Variants in CNBD1 observed in about 807,000 individuals in gnomAD.
The protein encoded by CNBD1 is cyclic nucleotide binding domain containing 1, also known as cyclic nucleotide-binding domain-containing protein 1.
A neutral mutation model predicts 54.4 loss-of-function variants in CNBD1; 71 were observed. That is an observed-to-expected ratio of 1.30 (90% CI 1.08 to 1.59). CNBD1 has a LOEUF of 1.59. Ranked by LOEUF, CNBD1 falls within the 40% of genes most tolerant of loss-of-function variation. CNBD1 has a pLI of 0.00. For synonymous variants in CNBD1, 182 were observed against 170.7 expected (o/e 1.07, Z -0.51); for missense variants, 659 against 518.0 (o/e 1.27, Z -2.64).
intron 8 of CNBD1, among the ~76,000 whole-genome samples, chr8:87,351,232 A>G (rs1047597664): frequency 1.3e-5 from 2 of 152,170 alleles, no homozygotes; most frequent in Non-Finnish European, 2.9e-5. Flanking sequence ...TGCTACTATA[A>G]TCAGTAGAGT....
At chr8:87,004,357 G>A (rs1271143514) in intron 4 of CNBD1, among the ~76,000 whole-genome samples, 1 of 152,122 alleles carries the variant, frequency 6.6e-6, no homozygotes, top group Non-Finnish European at 1.5e-5. Context: ...CCACAGTAAT[G>A]TGCATTGTCT....
intron 6 of CNBD1, among the ~76,000 whole-genome samples, chr8:87,283,155 C>A (rs955952217): frequency 1.3e-5 from 2 of 151,986 alleles, no homozygotes; most frequent in African/African-American, 2.4e-5. Context: ...TGTATATTAT[C>A]CATGTAATGA....
At chr8:87,270,711 A>AT (rs1214042851) in intron 6 of CNBD1, among the ~76,000 whole-genome samples, 21 of 151,688 alleles carry the variant, frequency 1.4e-4, no homozygotes, top group Non-Finnish European at 2.7e-4. Flanking sequence ...TTATTTATTT[A>AT]TTTTTTTGGC....
intron 8 of CNBD1, among the ~76,000 whole-genome samples, chr8:87,324,754 C>A (rs550125560): frequency 2.7e-5 from 4 of 148,754 alleles, no homozygotes; most frequent in East Asian, 1.9e-4. Context: ...AAAAAACCAG[C>A]TCCTGGATTC....
At position 87,286,641 on chromosome 8, in the gene CNBD1, C is replaced by T. The variant is rs866739698; in HGVS notation, c.1012C>T (p.Leu338Phe). 4 of 1,541,834 alleles carry T rather than the reference C, an allele frequency of 2.6e-6. No homozygotes were observed. The highest frequency in any genetic ancestry group is 3.5e-6 in the Non-Finnish European group (4 of 1,139,086). The change falls in exon 8 of 11, where the codon CTT becomes TTT. Residue 338 changes from leucine (L) to phenylalanine (F), a missense_variant. By Grantham distance (22) the Leu-to-Phe change is conservative. Coordinates refer to ENST00000518476, the MANE Select transcript of CNBD1 (RefSeq NM_173538.3). The stretch of plus-strand genomic sequence containing the variant: ...ATCCATATATGAGCTAATTGCACTC[C>T]TTAAATGGAAAAAATTTCCTCCAGG... ...TLSIYELIAL[L>F]KWKKFPPGHV...
intron 2 of CNBD1, among the ~76,000 whole-genome samples, chr8:87,413,189 T>A (rs771331564): frequency 3.3e-5 from 5 of 151,990 alleles, no homozygotes; most frequent in Non-Finnish European, 7.4e-5. Context: ...TGACACAGGG[T>A]TGTGAAATTA....
chr8:86,907,499 C>T (rs1809035117), intron 3 of CNBD1, among the ~76,000 whole-genome samples: 2 of 151,874 alleles, frequency 1.3e-5, no homozygotes, highest in Non-Finnish European at 2.9e-5. Flanking sequence ...GAAACCCTGC[C>T]TCTACTAAAA....
intron 4 of CNBD1, among the ~76,000 whole-genome samples, chr8:87,094,553 T>C (rs1299769766): frequency 6.6e-6 from 1 of 152,042 alleles, no homozygotes; most frequent in Non-Finnish European, 1.5e-5. Context: ...CATTTCATAT[T>C]GACAATGCTA....
chr8:87,288,301 T>A (rs1467574581), intron 8 of CNBD1, among the ~76,000 whole-genome samples: 1 of 152,064 alleles, frequency 6.6e-6, no homozygotes, highest in Non-Finnish European at 1.5e-5. Context: ...TGTTTTGGAT[T>A]TGTCATGGTT....
At chr8:87,198,250 G>A (rs1213767406) in intron 4 of CNBD1, among the ~76,000 whole-genome samples, 1 of 152,186 alleles carries the variant, frequency 6.6e-6, no homozygotes, top group African/African-American at 2.4e-5. Context: ...CACTGGAGGA[G>A]ACAGCTGGTG....
intron 2 of CNBD1, among the ~76,000 whole-genome samples, chr8:87,391,069 C>T (rs1011218636): frequency 2.1e-5 from 3 of 143,488 alleles, no homozygotes; most frequent in Non-Finnish European, 3.0e-5. Context: ...GGAAGGGGAA[C>T]ATCACACACC....
In CNBD1 at chr8:87,359,876, A is replaced by G. The variant is rs536343218; in HGVS notation, c.1303+6090A>G. Among the ~76,000 whole-genome samples the G allele has an allele frequency of 2.6e-5, 4 of 152,232 alleles. No individual in the cohort carries two copies. The South Asian group carries it at 8.3e-4, about 32-fold the overall frequency. On this transcript the variant is annotated intron_variant, in intron 10 of 10. Coordinates refer to ENST00000518476, the MANE Select transcript of CNBD1 (RefSeq NM_173538.3). ...AAATTTGAGAAAGTCCACTAAAAAT[A>G]AACAAAAATAAATAAAATAATTATG...
intron 10 of CNBD1, among the ~76,000 whole-genome samples, chr8:87,369,255 G>A (rs1810708481): frequency 1.3e-5 from 2 of 151,952 alleles, no homozygotes; most frequent in South Asian, 4.1e-4. Context: ...AAGAAGCCCT[G>A]AACTCAAGTG....
In CNBD1 at chr8:87,119,603, A is replaced by C. The variant is rs114617051; in HGVS notation, c.432-86390A>C. Among the ~76,000 whole-genome samples, 1,356 of 151,646 alleles carry C rather than the reference A, an allele frequency of 8.9e-3. 24 individuals carry two copies. Among genetic ancestry groups the C allele is most frequent in the African/African-American group, 0.028 (1,153 of 41,336 alleles). ...CTCTTGCCTGATTGCTCTTGCTAGG[A>C]CTCCCAGAATTACGTCGAATAGGAG... On this transcript the variant is annotated intron_variant, in intron 4 of 10. Coordinates refer to ENST00000518476, the MANE Select transcript of CNBD1 (RefSeq NM_173538.3).
chr8:87,311,801 T>A (rs1015655302), intron 8 of CNBD1, among the ~76,000 whole-genome samples: 15 of 152,032 alleles, frequency 9.9e-5, no homozygotes, highest in Admixed American at 9.8e-4. Flanking sequence ...TGCAGCAATA[T>A]GAATGCAGCT....
At chr8:87,013,564 T>TA (rs920884862) in intron 4 of CNBD1, among the ~76,000 whole-genome samples, 13 of 151,256 alleles carry the variant, frequency 8.6e-5, no homozygotes, top group Non-Finnish European at 1.0e-4. Context: ...CTACTGAGAT[T>TA]AAAAAAAATA....
intron 4 of CNBD1, among the ~76,000 whole-genome samples, chr8:87,088,698 A>G (rs1205013851): frequency 1.3e-5 from 2 of 152,094 alleles, no homozygotes; most frequent in Admixed American, 1.3e-4. Context: ...CATTAATTCT[A>G]CTTCTCTTTA....
chr8:86,949,145 T>G (rs985252584), intron 4 of CNBD1, among the ~76,000 whole-genome samples: 10 of 152,224 alleles, frequency 6.6e-5, no homozygotes. Context: ...CCATTTTGTT[T>G]ACTATAGCTC....
intron 4 of CNBD1, among the ~76,000 whole-genome samples, chr8:87,002,218 C>T (rs1341370565): frequency 6.6e-6 from 1 of 152,130 alleles, no homozygotes; most frequent in Non-Finnish European, 1.5e-5. Context: ...CTTTTTACCT[C>T]CACTGACAAA....
Sources: gnomAD v4.1 joint callset for allele counts (sites outside exome capture counted in the v4.1 genomes callset) on GRCh38, gnomAD v4.1.1 for gene constraint, MANE v1.5 for transcripts, NCBI Gene and HGNC (gene_info 2026-07-23, HGNC 2026-07-21) for gene names.